Variants in FGFR4 observed in about 807,000 individuals in gnomAD.
FGFR4 encodes fibroblast growth factor receptor 4.
Under a neutral mutation model 89.9 loss-of-function variants are expected in FGFR4, and 63 were observed. The observed-to-expected ratio is 0.70, with a 90% CI of 0.57 to 0.86. FGFR4 has a LOEUF of 0.86. Among genes scored for constraint, FGFR4 ranks in the 40% least tolerant of loss-of-function variants. The pLI, the probability that FGFR4 is intolerant of heterozygous loss-of-function variation, is 0.00. For synonymous variants in FGFR4, 486 were observed against 479.4 expected, an observed-to-expected ratio of 1.01 and a Z score of -0.18; for missense variants, 928 against 1,106.7, an observed-to-expected ratio of 0.84 and a Z score of 2.29.
chr5:177,096,755 C>G lies in FGFR4; in HGVS notation c.2153+14C>G, dbSNP rs771243544. The G allele has an allele frequency of 6.4e-7, 1 of 1,562,014 alleles. No homozygotes were observed. Among genetic ancestry groups the G allele is most frequent in the South Asian group, 1.2e-5 (1 of 81,446 alleles). On this transcript the variant is annotated intron_variant, in intron 16 of 17. Coordinates refer to ENST00000292408, the MANE Select transcript of FGFR4 (RefSeq NM_213647.3). ...CCCCCCAGAGCTGTGAGGCCTCACC[C>G]TGCCCTCGACCCCACTTTCCAGTCC...
In FGFR4 at chr5:177,091,668, ACTCT is replaced by A. The variant is rs1784370801; in HGVS notation, c.604-12_604-9del. ...TGGACATGGTCCGGTGGTCCCGGAC[ACTCT>A]CTCTGCCTGCAGCTGCGCCATCAGC... is the stretch of plus-strand genomic sequence containing the variant. On this transcript the variant is annotated splice_polypyrimidine_tract_variant and intron_variant, in intron 5 of 17. Transcript: ENST00000292408. The A allele has an allele frequency of 6.2e-7, 1 of 1,612,728 alleles. No individual in the cohort carries two copies. Among genetic ancestry groups the A allele is most frequent in the African/African-American group, 1.3e-5 (1 of 74,652 alleles).
rs368002781 is a variant in FGFR4, at chr5:177,097,288, G to C, written c.2154-4G>C. ...CCTGTGACCCTCCGCCCCACCTCTC[G>C]CAGGTACGGGCTGATGCGTGAGTGC... is the stretch of plus-strand genomic sequence containing the variant. On this transcript the variant is annotated splice_polypyrimidine_tract_variant and splice_region_variant and intron_variant, in intron 16 of 17. Coordinates refer to ENST00000292408, the MANE Select transcript of FGFR4 (RefSeq NM_213647.3). 1 of 1,591,776 alleles carries C rather than the reference G, an allele frequency of 6.3e-7. No individual in the cohort carries two copies. The highest frequency in any genetic ancestry group is 1.7e-5 in the Admixed American group (1 of 57,278).
chr5:177,097,267 T>C, intron 16 of FGFR4, 25 bp from the exon 17 acceptor site: 1 of 1,559,834 alleles, frequency 6.4e-7, no homozygotes, highest in Non-Finnish European at 8.7e-7. Flanking sequence ...AGGCTCCCTG[T>C]GACCCTCCGC....
rs1204680566 is a variant in FGFR4, at chr5:177,092,759, G to C, written c.1032G>C (p.Gln344His). 2 of 1,614,254 alleles carry C rather than the reference G, an allele frequency of 1.2e-6. No individual in the cohort carries two copies. Among genetic ancestry groups the C allele is most frequent in the South Asian group, 1.1e-5 (1 of 91,088 alleles). ...LAGNSIGLSY[Q>H]SAWLTVLPEE... ...GCAATTCCATCGGCCTCTCCTACCA[G>C]TCTGCCTGGCTCACGGTGCTGCCAG... The change falls in exon 8 of 18, where the codon CAG becomes CAC. Residue 344 changes from glutamine to histidine, a missense_variant. Gln to His is a conservative substitution (Grantham distance 24). This residue lies in a region of FGFR4 where 741 missense variants were observed against 836.9 expected (regional missense o/e 0.89). Coordinates refer to ENST00000292408, the MANE Select transcript of FGFR4 (RefSeq NM_213647.3).
chr5:177,090,914 TA>T (rs779677763), intron 4 of FGFR4, 23 bp from the exon 5 acceptor site: 1 of 1,614,128 alleles, frequency 6.2e-7, no homozygotes, highest in Non-Finnish European at 8.5e-7. Context: ...ACGGTCATTC[TA>T]GGGGCCTTCC....
rs1784395406 is a variant in FGFR4, at chr5:177,092,334, C to T, written c.741C>T (p.His247=). The change falls in exon 7 of 18, where the codon CAC becomes CAT. Residue 247 remains histidine, a synonymous_variant. Coordinates refer to ENST00000292408, the MANE Select transcript of FGFR4 (RefSeq NM_213647.3). The part of the protein sequence containing the change: ...YLLDVLERSP[H]RPILQAGLPA... Reference sequence around the variant, plus strand: ...CCCGGTCCCCAGAGCGGTCCCCGCACCGGCCCATCCTGCAGGCCGGGCTCC... The same window carrying T: ...CCCGGTCCCCAGAGCGGTCCCCGCATCGGCCCATCCTGCAGGCCGGGCTCC... The T allele has an allele frequency of 1.9e-6, 3 of 1,586,212 alleles. No homozygotes were observed. The highest frequency in any genetic ancestry group is 2.6e-6 in the Non-Finnish European group (3 of 1,162,384).
At position 177,095,830 on chromosome 5, in the gene FGFR4, C is replaced by T; in HGVS notation, c.1821+107C>T. On this transcript the variant is annotated intron_variant, in intron 13 of 17. Transcript: ENST00000292408. This position sits in a 1 kb window ranked among gnomAD's most constrained non-coding sequence, Gnocchi z 5.7. ...CCCTCTCTGCTCTTTTTCATGACCC[C>T]ACCTCAGTGTCCCCAGGCATTCACG... The T allele has an allele frequency of 1.5e-6, 2 of 1,297,416 alleles. No homozygotes were observed. The highest frequency in any genetic ancestry group is 2.1e-6 in the Non-Finnish European group (2 of 960,162). The allele number at this position is 1,297,416 out of a possible 1,614,324, so 80.4% of individuals were successfully genotyped here.
intron 7 of FGFR4, 58 bp from the exon 8 acceptor site, chr5:177,092,588 T>C: frequency 6.4e-7 from 1 of 1,572,002 alleles, no homozygotes; most frequent in Non-Finnish European, 8.7e-7. Context: ...AGCTTCCCTG[T>C]TGGCCACAGT....
At chr5:177,097,206 C>A in intron 16 of FGFR4, 86 bp from the exon 17 acceptor site, 2 of 1,121,358 alleles carry the variant, frequency 1.8e-6, no homozygotes, top group Non-Finnish European at 1.3e-6. Flanking sequence ...CCCCACCAAA[C>A]TCCTCCCCAC....
rs1425958556 is a variant in FGFR4 at position 177,093,552 on chromosome 5, G to A, written c.1397+1G>A. On this transcript the variant is annotated splice_donor_variant, in intron 10 of 17. Transcript: ENST00000292408. LOFTEE classifies it high-confidence loss of function. This position sits in a 1 kb window ranked among gnomAD's most constrained non-coding sequence, Gnocchi z 5.8. ...CACTATGGGAGTTCCCCCGGGACAGGTGCGCTGAGCTGTGTGGGGGCAGGG... is the reference window on the plus strand; with the variant it reads ...CACTATGGGAGTTCCCCCGGGACAGATGCGCTGAGCTGTGTGGGGGCAGGG... 3 of 1,613,388 alleles carry A rather than the reference G, an allele frequency of 1.9e-6. No homozygotes were observed. Among genetic ancestry groups the A allele is most frequent in the Non-Finnish European group, 2.5e-6 (3 of 1,179,650 alleles).
chr5:177,096,685 C>G lies in FGFR4; in HGVS notation c.2097C>G (p.Phe699Leu). The part of the protein sequence containing the change: ...PYPGIPVEEL[F>L]SLLREGHRMD... ...CTGGCATCCCGGTGGAGGAGCTGTT[C>G]TCGCTGCTGCGGGAGGGACATCGGA... The change falls in exon 16 of 18, where the codon TTC (phenylalanine) becomes TTG (leucine). Residue 699 changes from phenylalanine (F) to leucine (L), a missense_variant. By Grantham distance (22) the Phe-to-Leu change is conservative. Coordinates refer to ENST00000292408, the MANE Select transcript of FGFR4 (RefSeq NM_213647.3). The G allele has an allele frequency of 6.2e-7, 1 of 1,608,304 alleles. No homozygotes were observed. The highest frequency in any genetic ancestry group is 2.2e-5 in the East Asian group (1 of 44,818).
rs1784507310 is a variant in FGFR4 at position 177,095,228 on chromosome 5, C to T, written c.1520-102C>T. The T allele has an allele frequency of 1.6e-5, 15 of 936,044 alleles. No individual in the cohort carries two copies. The South Asian group carries it at 1.6e-4, about 10-fold the overall frequency. The allele number at this position is 936,044 out of a possible 1,614,324, so 58.0% of individuals were successfully genotyped here. A position where few individuals can be genotyped will look rare whatever the true frequency, so the allele number is the denominator to read the frequency against. On this transcript the variant is annotated intron_variant, in intron 11 of 17. Transcript: ENST00000292408. This position sits in a 1 kb window ranked among gnomAD's most constrained non-coding sequence, Gnocchi z 5.7. ...GCCTAGCAAGGATTCAGCCCTAGACCTACGTAGCCCTGGTCCAGTGCTGCT... is the reference window on the plus strand; with the variant it reads ...GCCTAGCAAGGATTCAGCCCTAGACTTACGTAGCCCTGGTCCAGTGCTGCT...
chr5:177,090,135 C>CGTGT (rs59390048), intron 2 of FGFR4: 348,746 of 649,236 alleles, frequency 0.54, 46,838 homozygotes, highest in East Asian at 0.61. Context: ...TGTGTGTATG[C>CGTGT]GTGTGTGTGT....
chr5:177,097,461 C>A (rs2149740766), intron 17 of FGFR4, 64 bp downstream of exon 17: 2 of 1,602,220 alleles, frequency 1.2e-6, no homozygotes, highest in Non-Finnish European at 1.7e-6. Flanking sequence ...TCTGGCCTGA[C>A]CGCGTGGACA....
In FGFR4 at chr5:177,097,686, A is replaced by G. The variant is rs758733844; in HGVS notation, c.*10A>G. On this transcript the variant is annotated 3_prime_UTR_variant, in exon 18 of 18. Transcript: ENST00000292408. ...TGGGGTGCAGACATGAGCAAGGCTC[A>G]AGGCTGTGCAGGCACATAGGCTGGT... The G allele has an allele frequency of 2.5e-6, 4 of 1,613,080 alleles. No homozygotes were observed. Among genetic ancestry groups the G allele is most frequent in the Non-Finnish European group, 3.4e-6 (4 of 1,179,460 alleles).
Position 177,097,747 on chromosome 5 carries a change from C to CAG in FGFR4, c.*72_*73dup. ...CTTGGGGCTCAGCCACAGCCTGACA[C>CAG]AGTGCTCGACCTTGATAGCATGGGG... On this transcript the variant is annotated 3_prime_UTR_variant, in exon 18 of 18. Coordinates refer to ENST00000292408, the MANE Select transcript of FGFR4 (RefSeq NM_213647.3). The CAG allele has an allele frequency of 6.4e-7, 1 of 1,550,618 alleles. No individual in the cohort carries two copies.
At chr5:177,096,382 C>T in intron 15 of FGFR4, 25 bp downstream of exon 15, 1 of 1,613,032 alleles carries the variant, frequency 6.2e-7, no homozygotes. Context: ...CGGTCACTGT[C>T]CTACCCCACA....
intron 15 of FGFR4, 74 bp downstream of exon 15, chr5:177,096,431 G>A: frequency 6.3e-7 from 1 of 1,584,788 alleles, no homozygotes; most frequent in Non-Finnish European, 8.6e-7. Context: ...GTGGCCCCAG[G>A]AGTCATGCGC....
In FGFR4 at chr5:177,097,813, C is replaced by A; in HGVS notation, c.*137C>A. 9.1e-7 allele frequency: 1 copy of A among 1,098,882 alleles called. No individual in the cohort carries two copies. The highest frequency in any genetic ancestry group is 1.3e-6 in the Non-Finnish European group (1 of 793,722). The allele number at this position is 1,098,882 out of a possible 1,614,324, so 68.1% of individuals were successfully genotyped here. A position where few individuals can be genotyped will look rare whatever the true frequency, so the allele number is the denominator to read the frequency against. ...TGCTGTGCCGTGTCCAAGGGCCGTG[C>A]CCTTGCCCTTGGAGCTGCCGTGCCT... On this transcript the variant is annotated 3_prime_UTR_variant, in exon 18 of 18. Transcript: ENST00000292408.
Sources: gnomAD v4.1 joint callset for allele counts on GRCh38, gnomAD v4.1.1 for gene constraint, gnomAD v4.1.1 regional missense constraint, Gnocchi (gnomAD v3.1) non-coding constraint, MANE v1.5 for transcripts, NCBI Gene and HGNC (gene_info 2026-07-23, HGNC 2026-07-21) for gene names.